KIAA1217: variants seen among roughly 807,000 people sequenced by gnomAD.
KIAA1217 encodes the protein KIAA1217.
KIAA1217 carries 88 observed loss-of-function variants against 163.9 expected under a neutral mutation model. The ratio of observed to expected loss-of-function variants is 0.54; its 90% CI spans 0.45 to 0.64. The LOEUF is 0.64. KIAA1217 is among the 30% of genes least tolerant of loss of function. KIAA1217 has a pLI of 0.00. For missense variants in KIAA1217, 2,372 were observed against 2,475.0 expected (o/e 0.96, Z 0.88); for synonymous variants, 903 against 923.1 (o/e 0.98, Z 0.39).
At chr10:24,479,201 T>G (rs949390007) in intron 6 of KIAA1217, among the ~76,000 whole-genome samples, 1 of 152,256 alleles carries the variant, frequency 6.6e-6, no homozygotes, top group Non-Finnish European at 1.5e-5. Context: ...GTGTCTGCTG[T>G]TAATCATTTC....
rs201955788 is a variant in KIAA1217, at chr10:24,538,740, T to TTTG, written c.3534+1849_3534+1850insGTT. 5.6e-5 allele frequency among the ~76,000 whole-genome samples: 8 copies of TTTG among 142,044 alleles called. 1 individual carries two copies. Among genetic ancestry groups the TTTG allele is most frequent in the Non-Finnish European group, 1.2e-4 (8 of 64,444 alleles). The allele number at this position is 142,044 out of a possible 152,430, so 93.2% of individuals were successfully genotyped here. On this transcript the variant is annotated intron_variant, in intron 17 of 20. Coordinates refer to ENST00000376454, the MANE Select transcript of KIAA1217 (RefSeq NM_019590.5). The stretch of plus-strand genomic sequence containing the variant: ...GATTTTTATTGTTTTTGGTTTTTTT[T>TTTG]TTTTTTTTTTGTGAGACCGAGTCTC...
At position 24,050,132 on chromosome 10, in the gene KIAA1217, C is replaced by T. The variant is rs555116012; in HGVS notation, c.-171+42758C>T. Among the ~76,000 whole-genome samples the T allele has an allele frequency of 4.5e-3, 679 of 152,202 alleles. 8 individuals are homozygous for T. The highest frequency in any genetic ancestry group is 0.016 in the African/African-American group (651 of 41,520). On this transcript the variant is annotated intron_variant, in intron 2 of 18. Coordinates refer to the KIAA1217 transcript ENST00000376462. ...TTGAGAAATGTCTGTTCATATCCTT[C>T]GCCCACTTTTTGATGGGGTTGTTTG...
At chr10:23,767,767 A>G (rs1293640777) in intron 1 of KIAA1217, among the ~76,000 whole-genome samples, 1 of 152,142 alleles carries the variant, frequency 6.6e-6, no homozygotes, top group Non-Finnish European at 1.5e-5. Context: ...TGATTTCCTA[A>G]TACAGAAGTG....
chr10:24,400,541 A>G (rs1024807979), intron 3 of KIAA1217, among the ~76,000 whole-genome samples: 1 of 152,200 alleles, frequency 6.6e-6, no homozygotes, highest in Non-Finnish European at 1.5e-5. Flanking sequence ...TTTGGTTAAA[A>G]GAAGCCACAG....
In KIAA1217 at chr10:24,303,580, G is replaced by A. The variant is rs575752208; in HGVS notation, c.355-77289G>A. 3.0e-4 allele frequency among the ~76,000 whole-genome samples: 45 copies of A among 152,294 alleles called. No homozygotes were observed. The South Asian group carries it at 6.0e-3, about 20-fold the overall frequency. Reference sequence around the variant, plus strand: ...GATTAGAAACAAGGTTTGTGCCCTCGGCAACTGGAGGAGGATTCCTGATGT... The same window carrying A: ...GATTAGAAACAAGGTTTGTGCCCTCAGCAACTGGAGGAGGATTCCTGATGT... On this transcript the variant is annotated intron_variant, in intron 2 of 20. Coordinates refer to ENST00000376454, the MANE Select transcript of KIAA1217 (RefSeq NM_019590.5).
intron 2 of KIAA1217, among the ~76,000 whole-genome samples, chr10:24,149,071 T>C (rs3864845): frequency 0.41 from 62,068 of 152,076 alleles, 13,051 homozygotes; most frequent in African/African-American, 0.49. Context: ...GGAATCACAG[T>C]TAAAGTTTCC....
At chr10:24,366,424 G>A (rs562971274) in intron 2 of KIAA1217, among the ~76,000 whole-genome samples, 7 of 152,234 alleles carry the variant, frequency 4.6e-5, no homozygotes, top group South Asian at 2.1e-4. Context: ...CAGCCTGGGC[G>A]ACAAAGTGAG....
intron 10 of KIAA1217, among the ~76,000 whole-genome samples, chr10:24,519,149 C>A (rs1253767590): frequency 6.6e-6 from 1 of 152,142 alleles, no homozygotes; most frequent in African/African-American, 2.4e-5. Context: ...GCTCCACAAT[C>A]CGGGCTCCAG....
chr10:24,438,017 C>T (rs1413007474), intron 4 of KIAA1217, among the ~76,000 whole-genome samples: 3 of 150,258 alleles, frequency 2.0e-5, no homozygotes, highest in African/African-American at 7.3e-5. Context: ...ATTTAAATAT[C>T]AACCAAATCT....
At chr10:23,827,157 A>G (rs1837934195) in intron 1 of KIAA1217, among the ~76,000 whole-genome samples, 1 of 152,190 alleles carries the variant, frequency 6.6e-6, no homozygotes, top group African/African-American at 2.4e-5. Context: ...AATCACCTGT[A>G]GGGCTTTGAA....
chr10:23,825,679 C>T (rs1259743005), intron 1 of KIAA1217, among the ~76,000 whole-genome samples: 4 of 152,074 alleles, frequency 2.6e-5, no homozygotes, highest in South Asian at 2.1e-4. Context: ...ATAATATATG[C>T]GTTATTCTGG....
chr10:23,699,069 G>T (rs769156581), intron 1 of KIAA1217, among the ~76,000 whole-genome samples: 2 of 152,082 alleles, frequency 1.3e-5, no homozygotes, highest in African/African-American at 4.8e-5. Context: ...ATTCTCTCTG[G>T]CTCACACCGT....
chr10:24,194,073 G>T (rs1434191149), intron 2 of KIAA1217, among the ~76,000 whole-genome samples: 1 of 151,820 alleles, frequency 6.6e-6, no homozygotes, highest in East Asian at 1.9e-4. Context: ...TGTAATCCCA[G>T]CTACTCAGGA....
intron 2 of KIAA1217, among the ~76,000 whole-genome samples, chr10:24,268,399 G>A (rs2076440764): frequency 6.6e-6 from 1 of 151,834 alleles, no homozygotes; most frequent in African/African-American, 2.4e-5. Context: ...GTGGGCAAAG[G>A]ACATGAACAG....
chr10:23,992,636 G>C lies in KIAA1217; in HGVS notation c.-320-14589G>C, dbSNP rs534206359. ...TTTTTTTTTTTTTTTGGAAGCCCTC[G>C]TGATGGGATAAGAAGGAACGCATCC... is the stretch of plus-strand genomic sequence containing the variant. On this transcript the variant is annotated intron_variant, in intron 1 of 18. Coordinates refer to the KIAA1217 transcript ENST00000376462. 3.5e-5 allele frequency among the ~76,000 whole-genome samples: 5 copies of C among 141,934 alleles called. No homozygotes were observed. The South Asian group carries it at 8.7e-4, about 25-fold the overall frequency. The allele number at this position is 141,934 out of a possible 152,430, so 93.1% of individuals were successfully genotyped here.
intron 1 of KIAA1217, among the ~76,000 whole-genome samples, chr10:23,913,314 A>G (rs192476578): frequency 6.6e-6 from 1 of 152,172 alleles, no homozygotes; most frequent in East Asian, 1.9e-4. Context: ...CCGATGAAGT[A>G]CATGAGTTTA....
At chr10:24,016,932 G>A (rs190286062) in intron 2 of KIAA1217, among the ~76,000 whole-genome samples, 2 of 151,716 alleles carry the variant, frequency 1.3e-5, no homozygotes, top group African/African-American at 4.8e-5. Context: ...TTATTTGCTT[G>A]AATCTTCTAT....
intron 1 of KIAA1217, among the ~76,000 whole-genome samples, chr10:23,914,972 A>T (rs1422974660): frequency 1.3e-5 from 2 of 152,112 alleles, no homozygotes; most frequent in African/African-American, 4.8e-5. Flanking sequence ...TTATTGAAGA[A>T]ATAAGATCTA....
At chr10:24,032,212 G>T (rs1848216820) in intron 2 of KIAA1217, among the ~76,000 whole-genome samples, 1 of 152,100 alleles carries the variant, frequency 6.6e-6, no homozygotes, top group Non-Finnish European at 1.5e-5. Context: ...TACAGTCAAA[G>T]AATTAATAAG....
Sources: gnomAD v4.1 joint callset for allele counts (sites outside exome capture counted in the v4.1 genomes callset) on GRCh38, gnomAD v4.1.1 for gene constraint, MANE v1.5 for transcripts, NCBI Gene and HGNC (gene_info 2026-07-23, HGNC 2026-07-21) for gene names.